BAZ1A: variants seen among roughly 807,000 people sequenced by gnomAD.
BAZ1A encodes the protein bromodomain adjacent to zinc finger domain 1A, also known as bromodomain adjacent to zinc finger domain protein 1A.
BAZ1A carries 50 observed loss-of-function variants against 185.2 expected under a neutral mutation model. That is an observed-to-expected ratio of 0.27 (90% CI 0.22 to 0.34). The LOEUF (loss-of-function observed/expected upper bound fraction) is 0.34. Ranked by LOEUF, BAZ1A falls within the 10% of genes least tolerant of loss-of-function variation. The pLI, the probability that BAZ1A is intolerant of heterozygous loss-of-function variation, is 1.00. For missense variants in BAZ1A, 1,356 were observed against 1,839.9 expected, an observed-to-expected ratio of 0.74 and a Z score of 4.81; for synonymous variants, 571 against 615.6, an observed-to-expected ratio of 0.93 and a Z score of 1.07.
chr14:34,759,434 C>T (rs555365953), intron 24 of BAZ1A, among the ~76,000 whole-genome samples: 2 of 152,074 alleles, frequency 1.3e-5, no homozygotes, highest in African/African-American at 2.4e-5. Context: ...CTCCTGACCT[C>T]GTGATCTGCC....
At chr14:34,799,408 G>A (rs1477405485) in intron 9 of BAZ1A, among the ~76,000 whole-genome samples, 1 of 152,018 alleles carries the variant, frequency 6.6e-6, no homozygotes, top group East Asian at 1.9e-4. Context: ...CAAGGGAGAC[G>A]ATAGACAACT....
intron 23 of BAZ1A, among the ~76,000 whole-genome samples, chr14:34,763,625 A>T (rs1878591597): frequency 6.6e-6 from 1 of 152,092 alleles, no homozygotes; most frequent in Non-Finnish European, 1.5e-5. Context: ...TTTTTTTTTA[A>T]ACAAACTGAA....
intron 25 of BAZ1A, among the ~76,000 whole-genome samples, chr14:34,758,310 G>A (rs1362977399): frequency 6.8e-6 from 1 of 147,016 alleles, no homozygotes; most frequent in African/African-American, 2.5e-5. Context: ...GGCCAGGTGT[G>A]GTGGCTCACA....
At chr14:34,764,990 C>A in intron 22 of BAZ1A, 31 bp downstream of exon 22, 1 of 1,613,100 alleles carries the variant, frequency 6.2e-7, no homozygotes, top group Admixed American at 1.7e-5. Flanking sequence ...CTTAATGTCT[C>A]ATTTCTAATC....
chr14:34,874,362 C>T lies in BAZ1A; in HGVS notation c.113+130G>A. On this transcript the variant is annotated intron_variant, in intron 2 of 26. Coordinates refer to ENST00000360310, the MANE Select transcript of BAZ1A (RefSeq NM_013448.3). This position sits in a 1 kb window ranked among gnomAD's most constrained non-coding sequence, Gnocchi z 4.7. The stretch of plus-strand genomic sequence containing the variant: ...AGGCCAGGAGGCAGAGAACCGCGGG[C>T]CCGGGGGCCACCCGTCACTTTCAAG... The T allele has an allele frequency of 1.1e-6, 1 of 891,782 alleles. No individual in the cohort carries two copies. The allele number at this position is 891,782 out of a possible 1,614,324, so 55.2% of individuals were successfully genotyped here. A position where few individuals can be genotyped will look rare whatever the true frequency, so the allele number is the denominator to read the frequency against.
At chr14:34,832,524 G>C (rs544932251) in intron 3 of BAZ1A, among the ~76,000 whole-genome samples, 1 of 149,524 alleles carries the variant, frequency 6.7e-6, no homozygotes, top group Non-Finnish European at 1.5e-5. Context: ...TCTCCAAGAA[G>C]ATACAAACAG....
At chr14:34,787,265 A>C (rs1594839273) in intron 12 of BAZ1A, among the ~76,000 whole-genome samples, 1 of 149,018 alleles carries the variant, frequency 6.7e-6, no homozygotes, top group East Asian at 2.0e-4. Flanking sequence ...AGGCAGGAGA[A>C]TCACTTGAAC....
Position 34,773,744 on chromosome 14 carries a change from C to G in BAZ1A, c.2998-18G>C, listed in dbSNP as rs750252555. ...TCTGTAACCTGTAACAAAATTCAAA[C>G]TTACTAACCATGAAAAATGGAATAT... On this transcript the variant is annotated intron_variant, in intron 19 of 26. Coordinates refer to ENST00000360310, the MANE Select transcript of BAZ1A (RefSeq NM_013448.3). The G allele has an allele frequency of 1.2e-6, 2 of 1,611,866 alleles. No homozygotes were observed. Among genetic ancestry groups the G allele is most frequent in the Admixed American group, 3.3e-5 (2 of 59,938 alleles).
chr14:34,786,980 T>C (rs1880499830), intron 12 of BAZ1A, among the ~76,000 whole-genome samples: 1 of 151,832 alleles, frequency 6.6e-6, no homozygotes, highest in African/African-American at 2.4e-5. Flanking sequence ...TCACAGAAAA[T>C]GAGCTAAAAA....
At chr14:34,870,252 G>C (rs1487592929) in intron 2 of BAZ1A, among the ~76,000 whole-genome samples, 1 of 152,106 alleles carries the variant, frequency 6.6e-6, no homozygotes, top group African/African-American at 2.4e-5. Context: ...AAAAAGTAAA[G>C]CATTTAGGAA....
intron 2 of BAZ1A, among the ~76,000 whole-genome samples, chr14:34,863,380 C>T (rs1050328882): frequency 6.6e-6 from 1 of 151,958 alleles, no homozygotes; most frequent in African/African-American, 2.4e-5. Flanking sequence ...TCAGTCTGGT[C>T]TCAAACTCCT....
rs1193209727 is a variant in BAZ1A, at chr14:34,783,747, A to G, written c.1997+15T>C. The G allele has an allele frequency of 2.4e-5, 39 of 1,598,550 alleles. No homozygotes were observed. In the Admixed American group the frequency reaches 6.7e-4, roughly 27 times the overall value. ...AACAGCTTTCATTAACACAACTATT[A>G]CAATTATCTCTTACCTGGCAGCTGC... On this transcript the variant is annotated intron_variant, in intron 15 of 26. Transcript: ENST00000360310.
chr14:34,817,265 T>C (rs2042020367), intron 4 of BAZ1A, among the ~76,000 whole-genome samples: 3 of 151,432 alleles, frequency 2.0e-5, no homozygotes. Flanking sequence ...TTTTTAAAAC[T>C]CTGGTGGTCA....
Position 34,874,618 on chromosome 14 carries a change from G to C in BAZ1A, c.-14C>G. ...TAGCAGCGGCATCTCCCGTCCGCCCGCGGGCTCGCCTGGACCCTCGGCCGC... is the reference window on the plus strand; with the variant it reads ...TAGCAGCGGCATCTCCCGTCCGCCCCCGGGCTCGCCTGGACCCTCGGCCGC... On this transcript the variant is annotated 5_prime_UTR_variant, in exon 2 of 27. Transcript: ENST00000360310. This position sits in a 1 kb window ranked among gnomAD's most constrained non-coding sequence, Gnocchi z 4.7. The C allele has an allele frequency of 6.9e-6, 11 of 1,601,566 alleles. No individual in the cohort carries two copies. Among genetic ancestry groups the C allele is most frequent in the Non-Finnish European group, 9.4e-6 (11 of 1,173,460 alleles).
intron 25 of BAZ1A, among the ~76,000 whole-genome samples, chr14:34,757,810 G>A (rs1190371591): frequency 2.0e-5 from 3 of 149,468 alleles, no homozygotes; most frequent in East Asian, 4.0e-4. Flanking sequence ...GCAATGGCGC[G>A]ATCTCGGCTC....
chr14:34,807,341 G>A, intron 6 of BAZ1A, 110 bp downstream of exon 6: 1 of 722,286 alleles, frequency 1.4e-6, no homozygotes, highest in Non-Finnish European at 2.0e-6. Context: ...CAGATTAAAA[G>A]AGAGCAATCT....
chr14:34,872,496 T>C (rs567529926), intron 2 of BAZ1A, among the ~76,000 whole-genome samples: 4 of 38,926 alleles, frequency 1.0e-4, no homozygotes, highest in Non-Finnish European at 5.1e-4. Flanking sequence ...GAGGCTAAGG[T>C]GGTAAGGTGG....
At chr14:34,869,079 T>C (rs2042911226) in intron 2 of BAZ1A, among the ~76,000 whole-genome samples, 1 of 149,566 alleles carries the variant, frequency 6.7e-6, no homozygotes, top group Non-Finnish European at 1.5e-5. Context: ...TGGTGGCATA[T>C]GCCTGTAGTC....
chr14:34,793,930 A>G (rs769771348), intron 11 of BAZ1A, among the ~76,000 whole-genome samples: 2 of 152,008 alleles, frequency 1.3e-5, no homozygotes, highest in African/African-American at 2.4e-5. Context: ...CGACAGAGCG[A>G]GACTCCGTCT....
Sources: allele counts gnomAD v4.1 joint callset (sites outside exome capture counted in the v4.1 genomes callset), GRCh38; gene constraint gnomAD v4.1.1; non-coding constraint Gnocchi (gnomAD v3.1); transcripts MANE v1.5; gene names NCBI Gene and HGNC (gene_info 2026-07-23, HGNC 2026-07-21).